Variants in GPC5 observed in about 807,000 individuals in gnomAD.
GPC5 encodes the protein glypican 5.
Under a neutral mutation model 53.9 loss-of-function variants are expected in GPC5, and 47 were observed. That is an observed-to-expected ratio of 0.87 (90% CI 0.69 to 1.11). GPC5 has a LOEUF of 1.11. GPC5 is among the 50% of genes most tolerant of loss of function. The pLI, the probability that GPC5 is intolerant of heterozygous loss-of-function variation, is 0.00. For missense variants in GPC5, 748 were observed against 713.1 expected (o/e 1.05, Z -0.56); for synonymous variants, 286 against 263.3 (o/e 1.09, Z -0.84).
intron 2 of GPC5, among the ~76,000 whole-genome samples, chr13:91,598,897 A>G (rs1382207876): frequency 6.6e-6 from 1 of 151,832 alleles, no homozygotes; most frequent in Non-Finnish European, 1.5e-5. Flanking sequence ...TGAGCTCAAA[A>G]CAAGATTTGC....
chr13:91,727,936 C>T (rs1215938688), intron 3 of GPC5, among the ~76,000 whole-genome samples: 3 of 152,046 alleles, frequency 2.0e-5, no homozygotes, highest in East Asian at 3.8e-4. Context: ...AGAAACAATA[C>T]ATTTTTCAAT....
intron 1 of GPC5, among the ~76,000 whole-genome samples, chr13:91,410,486 C>T (rs1389569896): frequency 6.7e-6 from 1 of 150,166 alleles, no homozygotes; most frequent in Non-Finnish European, 1.5e-5. Flanking sequence ...GCTGGGACCA[C>T]AGGCACCCGC....
intron 7 of GPC5, among the ~76,000 whole-genome samples, chr13:92,488,146 C>T (rs1480182555): frequency 1.3e-5 from 2 of 151,922 alleles, no homozygotes; most frequent in South Asian, 2.1e-4. Flanking sequence ...TGTGTGTGTA[C>T]AGGCATATAA....
chr13:91,436,366 C>G (rs1158790122), intron 1 of GPC5, among the ~76,000 whole-genome samples: 1 of 151,768 alleles, frequency 6.6e-6, no homozygotes, highest in Non-Finnish European at 1.5e-5. Flanking sequence ...GAATGTGTCC[C>G]AGAGATTCTG....
chr13:92,261,927 G>A (rs561222457), intron 7 of GPC5, among the ~76,000 whole-genome samples: 51 of 152,174 alleles, frequency 3.4e-4, no homozygotes, highest in African/African-American at 1.2e-3. Flanking sequence ...ATCTCTACCT[G>A]GCATTTGTTA....
intron 7 of GPC5, among the ~76,000 whole-genome samples, chr13:92,601,576 A>G (rs2139081228): frequency 6.6e-6 from 1 of 150,518 alleles, no homozygotes; most frequent in South Asian, 2.1e-4. Flanking sequence ...AAAAAAAAAA[A>G]AGAAGAAACA....
intron 2 of GPC5, among the ~76,000 whole-genome samples, chr13:91,629,127 T>C (rs1363083474): frequency 6.6e-6 from 1 of 152,162 alleles, no homozygotes; most frequent in African/African-American, 2.4e-5. Context: ...ATTATCTATG[T>C]GTTAATAAAT....
At chr13:91,609,360 A>G (rs1324157586) in intron 2 of GPC5, among the ~76,000 whole-genome samples, 1 of 152,146 alleles carries the variant, frequency 6.6e-6, no homozygotes, top group East Asian at 1.9e-4. Context: ...GAACTGTGAA[A>G]TAGCCAAAAA....
chr13:92,672,374 CA>C (rs1472776049), intron 7 of GPC5, among the ~76,000 whole-genome samples: 9 of 152,076 alleles, frequency 5.9e-5, no homozygotes, highest in Middle Eastern at 3.4e-3. Flanking sequence ...ATTAAAAAGT[CA>C]AAAAATAACA....
chr13:92,183,837 T>C (rs1021915288), intron 7 of GPC5, among the ~76,000 whole-genome samples: 1 of 152,082 alleles, frequency 6.6e-6, no homozygotes, highest in African/African-American at 2.4e-5. Context: ...TCAATAAGAT[T>C]GTCATCTTTT....
chr13:92,530,975 C>T (rs950132076), intron 7 of GPC5, among the ~76,000 whole-genome samples: 2 of 152,274 alleles, frequency 1.3e-5, no homozygotes, highest in African/African-American at 2.4e-5. Flanking sequence ...TCAGTAGTTA[C>T]GTTCCTCTAT....
intron 7 of GPC5, among the ~76,000 whole-genome samples, chr13:92,206,919 T>G (rs2042342006): frequency 6.6e-6 from 1 of 152,164 alleles, no homozygotes; most frequent in African/African-American, 2.4e-5. Flanking sequence ...TGGAATGGTC[T>G]TCACCCTTTC....
At chr13:92,283,600 G>A (rs9523592) in intron 7 of GPC5, among the ~76,000 whole-genome samples, 13,013 of 152,174 alleles carry the variant, frequency 0.086, 614 homozygotes, top group Middle Eastern at 0.12. Context: ...CCTCAAAACC[G>A]CTCAACTACA....
Position 92,522,409 on chromosome 13 carries a change from G to A in GPC5, c.1562-343873G>A, listed in dbSNP as rs144896487. Among the ~76,000 whole-genome samples, 272 of 152,064 alleles carry A rather than the reference G, an allele frequency of 1.8e-3. 1 individual carries two copies. In the East Asian group the frequency reaches 0.021, roughly 12 times the overall value. On this transcript the variant is annotated intron_variant, in intron 7 of 7. Transcript: ENST00000377067. ...ATAGACTGGATTAAGAAAATGTGGCGCATATACACCATGGAATACTATGCA... is the reference window on the plus strand; with the variant it reads ...ATAGACTGGATTAAGAAAATGTGGCACATATACACCATGGAATACTATGCA...
intron 5 of GPC5, among the ~76,000 whole-genome samples, chr13:91,864,469 T>C (rs1040302829): frequency 6.6e-6 from 1 of 152,166 alleles, no homozygotes; most frequent in Non-Finnish European, 1.5e-5. Context: ...AATAGAACTT[T>C]GTGAAATATT....
intron 6 of GPC5, among the ~76,000 whole-genome samples, chr13:92,135,951 T>C (rs1228494091): frequency 6.6e-6 from 1 of 152,224 alleles, no homozygotes; most frequent in Non-Finnish European, 1.5e-5. Context: ...TTTGGGTTTA[T>C]GTACACGGTA....
chr13:92,050,873 C>T (rs924323790), intron 6 of GPC5, among the ~76,000 whole-genome samples: 2 of 152,112 alleles, frequency 1.3e-5, no homozygotes, highest in African/African-American at 2.4e-5. Flanking sequence ...TTGCACATGC[C>T]GTTTTTCTCT....
chr13:92,385,602 TATACACATATACATATAC>T (rs1874642458), intron 7 of GPC5, among the ~76,000 whole-genome samples: 1 of 144,012 alleles, frequency 6.9e-6, no homozygotes, highest in Admixed American at 7.3e-5. Context: ...TATATACATA[TATACACATATACATATAC>T]ATACACATAT....
intron 7 of GPC5, among the ~76,000 whole-genome samples, chr13:92,778,300 A>G (rs1462999807): frequency 6.6e-6 from 1 of 152,144 alleles, no homozygotes; most frequent in Non-Finnish European, 1.5e-5. Flanking sequence ...GTGGTTTATA[A>G]TGTATGGATT....
Sources: gnomAD v4.1 joint callset for allele counts (sites outside exome capture counted in the v4.1 genomes callset) on GRCh38, gnomAD v4.1.1 for gene constraint, MANE v1.5 for transcripts, NCBI Gene and HGNC (gene_info 2026-07-23, HGNC 2026-07-21) for gene names.